RBM12: variants seen among roughly 807,000 people sequenced by gnomAD.
RBM12 encodes the protein RNA binding motif protein 12.
A neutral mutation model predicts 37.2 loss-of-function variants in RBM12; 24 were observed. The observed-to-expected ratio is 0.65, with a 90% CI of 0.47 to 0.91. The LOEUF (loss-of-function observed/expected upper bound fraction) is 0.91, where lower values mean the gene tolerates loss of function less well. Ranked by LOEUF, RBM12 falls within the 40% of genes least tolerant of loss-of-function variation. The pLI is 0.00. For synonymous variants in RBM12, 420 were observed against 425.2 expected (o/e 0.99, Z 0.15); for missense variants, 1,061 against 1,183.2 (o/e 0.90, Z 1.52).
At chr20:35,660,315 C>G (rs1312079687) in intron 1 of RBM12, among the ~76,000 whole-genome samples, 1 of 152,152 alleles carries the variant, frequency 6.6e-6, no homozygotes. Context: ...TGGGTTCAAG[C>G]TATTCTCATG....
Position 35,654,936 on chromosome 20 carries a change from T to C in RBM12, c.387A>G (p.Pro129=), listed in dbSNP as rs1342549706. ...TGGTGGCAGTAACTACACTGGGTGATGGATTATTAAAGTTGGATACTGTTG... is the reference window on the plus strand; with the variant it reads ...TGGTGGCAGTAACTACACTGGGTGACGGATTATTAAAGTTGGATACTGTTG... The part of the protein sequence containing the change: ...LPTTVSNFNN[P]SPSVVTATTS... The change falls in exon 3 of 3, where the codon CCA becomes CCG. Residue 129 remains proline (P), a synonymous_variant. Coordinates refer to ENST00000374114, the MANE Select transcript of RBM12 (RefSeq NM_006047.6). 1.2e-5 allele frequency: 19 copies of C among 1,614,152 alleles called. No homozygotes were observed. The highest frequency in any genetic ancestry group is 1.6e-5 in the Non-Finnish European group (19 of 1,180,020).
At chr20:35,662,982 A>G (rs2034316967) in intron 1 of RBM12, among the ~76,000 whole-genome samples, 1 of 152,234 alleles carries the variant, frequency 6.6e-6, no homozygotes, top group African/African-American at 2.4e-5. Flanking sequence ...CATTTAATCG[A>G]GCATATATAA....
At position 35,664,886 on chromosome 20, in the gene RBM12, G is replaced by C. The variant is rs779715573; in HGVS notation, c.-234C>G. The C allele has an allele frequency of 6.6e-6, 1 of 152,336 alleles. No homozygotes were observed. The highest frequency in any genetic ancestry group is 2.1e-4 in the South Asian group (1 of 4,838). 9.4% of individuals were successfully genotyped at this position (152,336 alleles called of 1,614,324 possible). On this transcript the variant is annotated 5_prime_UTR_variant, in exon 1 of 3. Transcript: ENST00000374114. Reference sequence around the variant, plus strand: ...GCCCAACGCAGCCACCACCTCCTTCGCCGCTTCACAAAATGGCCGTCGGCC... The same window carrying C: ...GCCCAACGCAGCCACCACCTCCTTCCCCGCTTCACAAAATGGCCGTCGGCC...
In RBM12 at chr20:35,652,677, G is replaced by A. The variant is rs754431598; in HGVS notation, c.2646C>T (p.Ile882=). 6.2e-7 allele frequency: 1 copy of A among 1,614,012 alleles called. No homozygotes were observed. The stretch of plus-strand genomic sequence containing the variant: ...TGTATTTTAAACACACTGAGCCTGG[G>A]ATTACTTGATAGCCATAAAAGAAAT... ...ILDFFYGYQV[I]PGSVCLKYNE... The change falls in exon 3 of 3, where the codon ATC becomes ATT. Residue 882 remains isoleucine (I), a synonymous_variant. Coordinates refer to ENST00000374114, the MANE Select transcript of RBM12 (RefSeq NM_006047.6).
In RBM12 at chr20:35,653,707, A is replaced by G. The variant is rs1468666446; in HGVS notation, c.1616T>C (p.Val539Ala). The G allele has an allele frequency of 1.2e-6, 2 of 1,614,208 alleles. No homozygotes were observed. Among genetic ancestry groups the G allele is most frequent in the Non-Finnish European group, 1.7e-6 (2 of 1,180,040 alleles). The change falls in exon 3 of 3, where the codon GTC (valine) becomes GCC (alanine). Residue 539 changes from valine (V) to alanine (A), a missense_variant. Coordinates refer to ENST00000374114, the MANE Select transcript of RBM12 (RefSeq NM_006047.6). ...REMILNPEGDVNSAKVCAHIT... is the reference protein window; with the variant it reads ...REMILNPEGDANSAKVCAHIT... The stretch of plus-strand genomic sequence containing the variant: ...GTGGGCACAGACTTTGGCAGAGTTG[A>G]CATCCCCCTCTGGATTTAGTATCAT...
intron 2 of RBM12, 118 bp from the exon 3 acceptor site, chr20:35,655,462 G>A: frequency 2.4e-6 from 2 of 819,942 alleles, no homozygotes; most frequent in Non-Finnish European, 3.7e-6. Context: ...AGCTATCACA[G>A]GCAATGTCTT....
At chr20:35,658,792 AG>A (rs2034055073) in intron 2 of RBM12, 137 bp downstream of exon 2, 4 of 553,840 alleles carry the variant, frequency 7.2e-6, no homozygotes, top group Non-Finnish European at 1.3e-5. Flanking sequence ...ACAAAAAACA[AG>A]CAAACAAAAA....
chr20:35,662,242 C>T (rs2034272497), intron 1 of RBM12, among the ~76,000 whole-genome samples: 1 of 152,168 alleles, frequency 6.6e-6, no homozygotes, highest in Non-Finnish European at 1.5e-5. Context: ...GTTTCAATCC[C>T]CCCAAATGCC....
chr20:35,661,078 T>G (rs764823663), intron 1 of RBM12, among the ~76,000 whole-genome samples: 4 of 152,178 alleles, frequency 2.6e-5, no homozygotes, highest in Non-Finnish European at 4.4e-5. Flanking sequence ...AGATAGAAAT[T>G]TATGATTCTC....
Position 35,652,405 on chromosome 20 carries a change from C to G in RBM12, c.*119G>C, listed in dbSNP as rs997849006. On this transcript the variant is annotated 3_prime_UTR_variant, in exon 3 of 3. Coordinates refer to ENST00000374114, the MANE Select transcript of RBM12 (RefSeq NM_006047.6). ...CAACCAATGCTCTATGTTATGGAAA[C>G]CAAGCTATATGCAATTGAAACAATC... 8.2e-7 allele frequency: 1 copy of G among 1,223,600 alleles called. No homozygotes were observed. The highest frequency in any genetic ancestry group is 1.5e-5 in the African/African-American group (1 of 65,792). 75.8% of individuals were successfully genotyped at this position (1,223,600 alleles called of 1,614,324 possible).
Position 35,652,746 on chromosome 20 carries a change from T to C in RBM12, c.2577A>G (p.Lys859=), listed in dbSNP as rs752446692. The change falls in exon 3 of 3, where the codon AAA becomes AAG. Residue 859 remains lysine, a synonymous_variant. Coordinates refer to ENST00000374114, the MANE Select transcript of RBM12 (RefSeq NM_006047.6). The stretch of plus-strand genomic sequence containing the variant: ...ACACAGTAAAGGGCATGTTTTGCAC[T>C]TTAATTACTGTCGGTCCTGGTTTTC... ...SSGKPGPTVI[K]VQNMPFTVSI... 2 of 1,613,574 alleles carry C rather than the reference T, an allele frequency of 1.2e-6. No individual in the cohort carries two copies. The highest frequency in any genetic ancestry group is 2.2e-5 in the South Asian group (2 of 91,030).
chr20:35,664,390 G>A (rs2034417855), intron 1 of RBM12: 1 of 152,234 alleles, frequency 6.6e-6, no homozygotes. Flanking sequence ...TATAACCTCT[G>A]CTTCACTGGG....
In RBM12 at chr20:35,653,318, CGGGAAGTCCTGCACT is replaced by C. The variant is rs2033668097; in HGVS notation, c.1990_2004del (p.Ser664_Pro668del). ...AGTCCTGTGCTGGGCAGGCCTGCAC[CGGGAAGTCCTGCACT>C]GGGCAGTCCCACACCGGGCAGTCCC... is the stretch of plus-strand genomic sequence containing the variant. On this transcript the variant is annotated inframe_deletion, in exon 3 of 3. Transcript: ENST00000374114. 6.2e-7 allele frequency: 1 copy of C among 1,613,688 alleles called. No homozygotes were observed.
In RBM12 at chr20:35,654,803, T is replaced by G. The variant is rs141540679; in HGVS notation, c.520A>C (p.Thr174Pro). The change falls in exon 3 of 3, where the codon ACT (threonine) becomes CCT (proline). Residue 174 changes from threonine to proline, a missense_variant. Thr to Pro is a conservative substitution (Grantham distance 38). This residue lies in a region of RBM12 where 540 missense variants were observed against 632.7 expected (regional missense o/e 0.85). Coordinates refer to ENST00000374114, the MANE Select transcript of RBM12 (RefSeq NM_006047.6). The part of the protein sequence containing the change: ...ASFGSPTFSS[T>P]VPSTASPMNT... Reference sequence around the variant, plus strand: ...ATTGGAGAGGCTGTGCTTGGAACAGTTGAGCTAAACGTTGGGCTCCCAAAG... The same window carrying G: ...ATTGGAGAGGCTGTGCTTGGAACAGGTGAGCTAAACGTTGGGCTCCCAAAG... 6 of 1,614,096 alleles carry G rather than the reference T, an allele frequency of 3.7e-6. No homozygotes were observed. Among genetic ancestry groups the G allele is most frequent in the Admixed American group, 1.7e-5 (1 of 60,020 alleles).
At chr20:35,662,054 CA>C (rs2034258956) in intron 1 of RBM12, among the ~76,000 whole-genome samples, 1 of 152,104 alleles carries the variant, frequency 6.6e-6, no homozygotes, top group African/African-American at 2.4e-5. Flanking sequence ...CCAAATGGAC[CA>C]TATATCAAAG....
chr20:35,654,182 G>A lies in RBM12; in HGVS notation c.1141C>T (p.Gln381Ter), dbSNP rs750535784. 3 of 1,614,206 alleles carry A rather than the reference G, an allele frequency of 1.9e-6. No individual in the cohort carries two copies. The highest frequency in any genetic ancestry group is 2.5e-6 in the Non-Finnish European group (3 of 1,180,042). The change falls in exon 3 of 3, where the codon CAG (glutamine) becomes TAG (stop). Residue 381 changes from glutamine (Q) to a stop codon, truncating the protein, a stop_gained. Coordinates refer to ENST00000374114, the MANE Select transcript of RBM12 (RefSeq NM_006047.6). LOFTEE classifies it high-confidence loss of function. ...YVEVSPATER[Q>*]WVAAGGHITF... ...ATATGGCCTCCAGCAGCTACCCACTGTCTTTCTGTGGCAGGGCTAACTTCC... is the reference window on the plus strand; with the variant it reads ...ATATGGCCTCCAGCAGCTACCCACTATCTTTCTGTGGCAGGGCTAACTTCC...
intron 2 of RBM12, 122 bp downstream of exon 2, chr20:35,658,805 ACAC>A: frequency 1.5e-5 from 2 of 129,074 alleles, no homozygotes; most frequent in South Asian, 5.7e-5. Flanking sequence ...AAACAAAAAC[ACAC>A]ACACACACAC....
intron 1 of RBM12, 144 bp from the exon 2 acceptor site, chr20:35,659,158 A>C (rs923977132): frequency 4.1e-5 from 19 of 463,686 alleles, no homozygotes; most frequent in Admixed American, 2.0e-4. Flanking sequence ...AAAAAAAAGA[A>C]AGACACCGTA....
intron 1 of RBM12, among the ~76,000 whole-genome samples, chr20:35,664,017 A>G (rs966122977): frequency 1.3e-5 from 2 of 152,166 alleles, no homozygotes; most frequent in African/African-American, 4.8e-5. Flanking sequence ...CTACTGGGGG[A>G]CCAAAGGCCT....
Sources: gnomAD v4.1 joint callset for allele counts (sites outside exome capture counted in the v4.1 genomes callset) on GRCh38, gnomAD v4.1.1 for gene constraint, gnomAD v4.1.1 regional missense constraint, MANE v1.5 for transcripts, NCBI Gene and HGNC (gene_info 2026-07-23, HGNC 2026-07-21) for gene names.